Variants in FTO observed in about 807,000 individuals in gnomAD.
FTO encodes alpha-ketoglutarate-dependent dioxygenase FTO.
A neutral mutation model predicts 63.9 loss-of-function variants in FTO; 47 were observed. The ratio of observed to expected loss-of-function variants is 0.74; its 90% CI spans 0.58 to 0.94. The LOEUF (loss-of-function observed/expected upper bound fraction) is 0.94. Among genes scored for constraint, FTO ranks in the 40% least tolerant of loss-of-function variants. The pLI is 0.00. For missense variants in FTO, 562 were observed against 618.1 expected (o/e 0.91, Z 0.96); for synonymous variants, 207 against 224.4 (o/e 0.92, Z 0.69).
Position 54,004,430 on chromosome 16 carries a change from T to A in FTO, c.1364+70321T>A, listed in dbSNP as rs569014711. On this transcript the variant is annotated intron_variant, in intron 8 of 8. Coordinates refer to ENST00000471389, the MANE Select transcript of FTO (RefSeq NM_001080432.3). ...TAAATAAATAAATAAATGTCGTGGT[T>A]TTTTTTTAATTTAGCAAGTAAAGTA... Among the ~76,000 whole-genome samples the A allele has an allele frequency of 4.0e-5, 6 of 151,846 alleles. No homozygotes were observed. The South Asian group carries it at 1.0e-3, about 26-fold the overall frequency.
At chr16:53,784,242 T>G (rs1200444021) in intron 1 of FTO, among the ~76,000 whole-genome samples, 1 of 152,232 alleles carries the variant, frequency 6.6e-6, no homozygotes, top group African/African-American at 2.4e-5. Context: ...TTGCTGTCTG[T>G]ACATTTCCAC....
intron 1 of FTO, among the ~76,000 whole-genome samples, chr16:53,761,627 C>T (rs1213942068): frequency 6.6e-6 from 1 of 152,166 alleles, no homozygotes; most frequent in East Asian, 1.9e-4. Context: ...TGACTATCCT[C>T]ACGGAAATTG....
chr16:53,963,147 T>C (rs1435534764), intron 8 of FTO, among the ~76,000 whole-genome samples: 1 of 152,180 alleles, frequency 6.6e-6, no homozygotes, highest in Non-Finnish European at 1.5e-5. Context: ...TTCTTGTCTT[T>C]GGTATTTGAG....
intron 1 of FTO, among the ~76,000 whole-genome samples, chr16:53,744,697 C>A (rs555755184): frequency 2.0e-4 from 30 of 152,348 alleles, no homozygotes; most frequent in South Asian, 1.9e-3. Flanking sequence ...AAATGAGCCC[C>A]TGACACCTGA....
At chr16:53,911,185 G>C in intron 7 of FTO, 1 of 564,704 alleles carries the variant, frequency 1.8e-6, no homozygotes, top group East Asian at 2.8e-5. Flanking sequence ...AGGCTTGAAA[G>C]CACTTAGCAC....
intron 8 of FTO, among the ~76,000 whole-genome samples, chr16:54,007,158 A>T (rs1599190480): frequency 6.6e-6 from 1 of 152,356 alleles, no homozygotes; most frequent in South Asian, 2.1e-4. Flanking sequence ...TACGTGAAAA[A>T]TTTGAAAACA....
At chr16:53,835,888 TTGA>T (rs1290800264) in intron 3 of FTO, among the ~76,000 whole-genome samples, 5 of 127,756 alleles carry the variant, frequency 3.9e-5, no homozygotes, top group Non-Finnish European at 7.9e-5. Context: ...AACCTGTCTA[TTGA>T]TTTTTTTTTT....
At chr16:54,003,449 G>A (rs186863922) in intron 8 of FTO, among the ~76,000 whole-genome samples, 41 of 152,294 alleles carry the variant, frequency 2.7e-4, no homozygotes, top group Admixed American at 6.5e-4. Flanking sequence ...GAAAGATGAG[G>A]TTTATGTTGA....
intron 3 of FTO, among the ~76,000 whole-genome samples, chr16:53,832,386 A>C (rs1253965310): frequency 6.6e-6 from 1 of 152,190 alleles, no homozygotes; most frequent in African/African-American, 2.4e-5. Context: ...GCCCCTTTGC[A>C]ATTCCTCTTC....
chr16:53,961,801 T>C (rs981131767), intron 8 of FTO, among the ~76,000 whole-genome samples: 1 of 152,260 alleles, frequency 6.6e-6, no homozygotes, highest in Admixed American at 6.5e-5. Flanking sequence ...CTAGTCTGGC[T>C]GATTCAGTGA....
intron 8 of FTO, among the ~76,000 whole-genome samples, chr16:54,018,448 ACATT>A (rs1446062754): frequency 4.5e-4 from 61 of 136,272 alleles, no homozygotes; most frequent in African/African-American, 1.7e-3. Context: ...ATACATACAT[ACATT>A]CATTCATGTG....
intron 1 of FTO, among the ~76,000 whole-genome samples, chr16:53,709,891 A>G (rs929401009): frequency 3.3e-5 from 5 of 152,192 alleles, no homozygotes; most frequent in African/African-American, 4.8e-5. Flanking sequence ...GCATACAAAT[A>G]TAAACACAAT....
intron 1 of FTO, among the ~76,000 whole-genome samples, chr16:53,706,757 T>C (rs1383283903): frequency 6.6e-6 from 1 of 152,216 alleles, no homozygotes; most frequent in African/African-American, 2.4e-5. Context: ...TTTGTTCCTT[T>C]TTATCGCAAA....
intron 8 of FTO, among the ~76,000 whole-genome samples, chr16:54,021,034 A>G (rs1386503754): frequency 6.6e-6 from 1 of 152,142 alleles, no homozygotes; most frequent in Admixed American, 6.5e-5. Flanking sequence ...ACCATTTTGG[A>G]AGATTCATCT....
At chr16:53,904,304 G>A (rs571232524) in intron 7 of FTO, among the ~76,000 whole-genome samples, 91 of 152,286 alleles carry the variant, frequency 6.0e-4, no homozygotes, top group African/African-American at 2.1e-3. Flanking sequence ...GGTCATAGGA[G>A]TAGGGAGCAA....
rs112260839 is a variant in FTO, at chr16:53,754,592, C to A, written c.45+50363C>A. Among the ~76,000 whole-genome samples, 1,150 of 152,108 alleles carry A rather than the reference C, an allele frequency of 7.6e-3. 13 individuals are homozygous for A. Among genetic ancestry groups the A allele is most frequent in the East Asian group, 0.039 (203 of 5,148 alleles). ...GGTGGCAGTTGCAGTGAGCTGAGAT[C>A]GCACCACTGCACTCCAGCCTGGATG... is the stretch of plus-strand genomic sequence containing the variant. On this transcript the variant is annotated intron_variant, in intron 1 of 8. Transcript: ENST00000471389.
At chr16:53,797,469 ATGT>A (rs2078106540) in intron 1 of FTO, among the ~76,000 whole-genome samples, 1 of 152,130 alleles carries the variant, frequency 6.6e-6, no homozygotes, top group African/African-American at 2.4e-5. Flanking sequence ...GAGATCCATC[ATGT>A]TGTTGTATGC....
In FTO at chr16:53,967,859, G is replaced by A. The variant is rs2083229946; in HGVS notation, c.1364+33750G>A. 2.0e-5 allele frequency among the ~76,000 whole-genome samples: 3 copies of A among 152,216 alleles called. No homozygotes were observed. The South Asian group carries it at 6.2e-4, about 31-fold the overall frequency. ...GAGAAGGGCAAATCCGGTTTTGACGGTTGTGCTTGTGTGTACATCTTTTTT... is the reference window on the plus strand; with the variant it reads ...GAGAAGGGCAAATCCGGTTTTGACGATTGTGCTTGTGTGTACATCTTTTTT... On this transcript the variant is annotated intron_variant, in intron 8 of 8. Coordinates refer to ENST00000471389, the MANE Select transcript of FTO (RefSeq NM_001080432.3).
chr16:53,722,295 C>T (rs2151491081), intron 1 of FTO, among the ~76,000 whole-genome samples: 1 of 152,292 alleles, frequency 6.6e-6, no homozygotes, highest in East Asian at 1.9e-4. Context: ...CAGTAATTCT[C>T]TTTTCCCTAT....
Sources: gnomAD v4.1 joint callset for allele counts (sites outside exome capture counted in the v4.1 genomes callset) on GRCh38, gnomAD v4.1.1 for gene constraint, MANE v1.5 for transcripts, NCBI Gene and HGNC (gene_info 2026-07-23, HGNC 2026-07-21) for gene names.